Variants in SLCO3A1 observed in about 807,000 individuals in gnomAD.
SLCO3A1 encodes solute carrier organic anion transporter family member 3A1, also known as PGE1 transporter.
In SLCO3A1, 27 loss-of-function variants were observed where a neutral mutation model predicts 63.1. That is an observed-to-expected ratio of 0.43 (90% CI 0.32 to 0.59). The LOEUF (loss-of-function observed/expected upper bound fraction) is 0.59, where lower values mean the gene tolerates loss of function less well. SLCO3A1 is among the 20% of genes least tolerant of loss of function. The pLI, the probability that SLCO3A1 is intolerant of heterozygous loss-of-function variation, is 0.09. For missense variants in SLCO3A1, 773 were observed against 945.8 expected, an observed-to-expected ratio of 0.82 and a Z score of 2.40; for synonymous variants, 473 against 409.9, an observed-to-expected ratio of 1.15 and a Z score of -1.86.
intron 2 of SLCO3A1, among the ~76,000 whole-genome samples, chr15:91,949,336 G>A (rs1899917907): frequency 6.6e-6 from 1 of 152,270 alleles, no homozygotes; most frequent in South Asian, 2.1e-4. Context: ...TACCCATGCG[G>A]AGGGCAGTTG....
intron 2 of SLCO3A1, among the ~76,000 whole-genome samples, chr15:92,042,680 G>C (rs1483264755): frequency 6.6e-6 from 1 of 152,154 alleles, no homozygotes; most frequent in African/African-American, 2.4e-5. Context: ...CAAAGAGTGG[G>C]TAGGTGTTCA....
intron 2 of SLCO3A1, among the ~76,000 whole-genome samples, chr15:91,952,200 C>T (rs137989000): frequency 2.4e-3 from 369 of 152,232 alleles, no homozygotes; most frequent in African/African-American, 7.0e-3. Context: ...CATCCTTTGC[C>T]GTTTTTAAAT....
At chr15:92,080,671 C>T (rs2151523070) in intron 2 of SLCO3A1, among the ~76,000 whole-genome samples, 1 of 152,326 alleles carries the variant, frequency 6.6e-6, no homozygotes, top group Non-Finnish European at 1.5e-5. Context: ...CCAGAGGCCA[C>T]ACGGGGTACA....
chr15:92,149,836 G>A (rs947744442), intron 8 of SLCO3A1: 4 of 152,206 alleles, frequency 2.6e-5, no homozygotes, highest in African/African-American at 9.7e-5. Flanking sequence ...TTATACCAGT[G>A]TGCTTTCTTG....
chr15:92,086,011 A>G (rs1045716207), intron 2 of SLCO3A1, among the ~76,000 whole-genome samples: 2 of 152,154 alleles, frequency 1.3e-5, no homozygotes, highest in Admixed American at 1.3e-4. Context: ...AGATCACAGT[A>G]TGTTTTTCTG....
intron 4 of SLCO3A1, among the ~76,000 whole-genome samples, chr15:92,114,978 T>C (rs1166643503): frequency 6.6e-6 from 1 of 152,192 alleles, no homozygotes. Flanking sequence ...TGGCTACCAT[T>C]GTAATTACTG....
At chr15:92,111,969 A>G (rs2047734620) in intron 4 of SLCO3A1, among the ~76,000 whole-genome samples, 2 of 152,220 alleles carry the variant, frequency 1.3e-5, no homozygotes, top group African/African-American at 2.4e-5. Flanking sequence ...TGTGACTCAG[A>G]ACTGTTTCAG....
intron 2 of SLCO3A1, among the ~76,000 whole-genome samples, chr15:91,970,464 T>C (rs1463241782): frequency 6.6e-6 from 1 of 152,162 alleles, no homozygotes; most frequent in East Asian, 1.9e-4. Context: ...CTCCTTTCTC[T>C]GTAGTCAACA....
chr15:92,078,004 C>T (rs1415829888), intron 2 of SLCO3A1, among the ~76,000 whole-genome samples: 2 of 152,124 alleles, frequency 1.3e-5, no homozygotes, highest in African/African-American at 4.8e-5. Flanking sequence ...ACCTGCCTCT[C>T]GGGGTTGTGA....
At chr15:91,951,126 T>G (rs1236561001) in intron 2 of SLCO3A1, among the ~76,000 whole-genome samples, 2 of 152,090 alleles carry the variant, frequency 1.3e-5, no homozygotes, top group Non-Finnish European at 2.9e-5. Flanking sequence ...AGTCCTGTGG[T>G]TTTTAGTATA....
chr15:91,938,762 T>C (rs1381290752), intron 2 of SLCO3A1, among the ~76,000 whole-genome samples: 1 of 152,198 alleles, frequency 6.6e-6, no homozygotes, highest in African/African-American at 2.4e-5. Flanking sequence ...TTCACCTCAG[T>C]GATTGACACT....
intron 4 of SLCO3A1, among the ~76,000 whole-genome samples, chr15:92,107,215 C>T (rs1417650125): frequency 6.6e-6 from 1 of 152,164 alleles, no homozygotes; most frequent in East Asian, 1.9e-4. Context: ...ATTAACAATT[C>T]CCAGAGGCAA....
At chr15:92,016,081 C>G (rs969137513) in intron 2 of SLCO3A1, among the ~76,000 whole-genome samples, 4 of 151,966 alleles carry the variant, frequency 2.6e-5, no homozygotes, top group Admixed American at 2.6e-4. Flanking sequence ...AGGGTTTTAT[C>G]AAACCCCAAG....
intron 2 of SLCO3A1, among the ~76,000 whole-genome samples, chr15:92,019,537 A>T (rs1394254416): frequency 6.6e-6 from 1 of 152,206 alleles, no homozygotes; most frequent in African/African-American, 2.4e-5. Context: ...GGTACGACAC[A>T]CGCTGGAAGC....
intron 2 of SLCO3A1, among the ~76,000 whole-genome samples, chr15:92,044,013 G>C (rs1200757885): frequency 1.3e-5 from 2 of 152,116 alleles, no homozygotes; most frequent in African/African-American, 4.8e-5. Context: ...CTTTTCTCTA[G>C]ACCCAGCTAC....
intron 1 of SLCO3A1, among the ~76,000 whole-genome samples, chr15:91,893,270 GT>G (rs1897917050): frequency 6.6e-6 from 1 of 152,196 alleles, no homozygotes; most frequent in South Asian, 2.1e-4. Context: ...GGACAGCCCT[GT>G]TCCAGTGGGC....
chr15:91,989,754 G>GGACA (rs2046103119), intron 2 of SLCO3A1, among the ~76,000 whole-genome samples: 1 of 152,084 alleles, frequency 6.6e-6, no homozygotes, highest in Admixed American at 6.5e-5. Context: ...ACCAACTCAG[G>GGACA]GACATGAATA....
intron 7 of SLCO3A1, among the ~76,000 whole-genome samples, chr15:92,144,364 C>G (rs1430744351): frequency 6.6e-6 from 1 of 152,060 alleles, no homozygotes; most frequent in Non-Finnish European, 1.5e-5. Context: ...GTGGGGAAGG[C>G]CAGTTATGAG....
At chr15:92,111,886 G>T (rs1188618492) in intron 4 of SLCO3A1, among the ~76,000 whole-genome samples, 1 of 152,182 alleles carries the variant, frequency 6.6e-6, no homozygotes, top group Non-Finnish European at 1.5e-5. Flanking sequence ...TGGGGAAATG[G>T]TTACATGGCC....
Sources: gnomAD v4.1 joint callset for allele counts (sites outside exome capture counted in the v4.1 genomes callset) on GRCh38, gnomAD v4.1.1 for gene constraint, MANE v1.5 for transcripts, NCBI Gene and HGNC (gene_info 2026-07-23, HGNC 2026-07-21) for gene names.